ZNF85: variants seen among roughly 807,000 people sequenced by gnomAD.
ZNF85 encodes the protein zinc finger protein 85 (HPF4, HTF1).
A neutral mutation model predicts 53.9 loss-of-function variants in ZNF85; 50 were observed. That is an observed-to-expected ratio of 0.93 (90% CI 0.74 to 1.17). The LOEUF is 1.17. ZNF85 is among the 50% of genes most tolerant of loss of function. ZNF85 has a pLI of 0.00. For missense variants in ZNF85, 747 were observed against 688.5 expected (o/e 1.08, Z -0.95); for synonymous variants, 225 against 226.1 (o/e 1.00, Z 0.04).
rs1011387952 is a variant in ZNF85 at position 20,942,984 on chromosome 19, C to T, written c.230-5760C>T. 3 of 521,130 alleles carry T rather than the reference C, an allele frequency of 5.8e-6. No homozygotes were observed. The East Asian group carries it at 9.7e-5, about 17-fold the overall frequency. The allele number at this position is 521,130 out of a possible 1,614,324, so 32.3% of individuals were successfully genotyped here. ...AGAGACAGAGTCTCACTTTGTTGCC[C>T]AGTCTAGTCTCAAACTTCTGGCTCC... On this transcript the variant is annotated intron_variant, in intron 3 of 3. Coordinates refer to ENST00000328178, the MANE Select transcript of ZNF85 (RefSeq NM_003429.5).
chr19:20,945,184 A>T (rs983276652), intron 3 of ZNF85, among the ~76,000 whole-genome samples: 1 of 152,114 alleles, frequency 6.6e-6, no homozygotes, highest in Non-Finnish European at 1.5e-5. Context: ...TAAATATTCA[A>T]TTTAGTGATC....
At chr19:20,942,688 C>T in intron 3 of ZNF85, 4 of 563,196 alleles carry the variant, frequency 7.1e-6, no homozygotes, top group Non-Finnish European at 1.3e-5. Flanking sequence ...TTGGATTTTC[C>T]AGTTTTGCTT....
At chr19:20,934,296 T>A in intron 2 of ZNF85, 146 bp downstream of exon 2, 1 of 1,150,026 alleles carries the variant, frequency 8.7e-7, no homozygotes, top group Non-Finnish European at 1.2e-6. Context: ...TTAATACATG[T>A]AGAAAAGAAT....
intron 1 of ZNF85, among the ~76,000 whole-genome samples, chr19:20,930,120 C>CAAAAAAAAAAAAAAAAAAAAA (rs57832039): frequency 1.3e-5 from 1 of 79,262 alleles, no homozygotes; most frequent in Non-Finnish European, 2.3e-5. Flanking sequence ...GACTCCGTCC[C>CAAAAAAAAAAAAAAAAAAAAA]AAAAAAAAAA....
chr19:20,937,465 T>A, intron 3 of ZNF85: 1 of 395,926 alleles, frequency 2.5e-6, no homozygotes, highest in Non-Finnish European at 5.0e-6. Context: ...TGCACTAGGG[T>A]CCGCCTTTAG....
At chr19:20,947,488 CTTTTTTTTTTTTTTT>C (rs768097517) in intron 3 of ZNF85, among the ~76,000 whole-genome samples, 1 of 51,634 alleles carries the variant, frequency 1.9e-5, no homozygotes, top group African/African-American at 8.4e-5. Context: ...TGCCAATACA[CTTTTTTTTTTTTTTT>C]TTTTTTTTTT....
rs145879993 is a variant in ZNF85, at chr19:20,938,301, G to T, written c.229+3254G>T. On this transcript the variant is annotated intron_variant, in intron 3 of 3. Coordinates refer to ENST00000328178, the MANE Select transcript of ZNF85 (RefSeq NM_003429.5). ...GATAAGCTGATCTTGAACTTCTGACGTTAACCTTCCCACCTCAACCTTCCA... is the reference window on the plus strand; with the variant it reads ...GATAAGCTGATCTTGAACTTCTGACTTTAACCTTCCCACCTCAACCTTCCA... 2.6e-5 allele frequency among the ~76,000 whole-genome samples: 4 copies of T among 152,156 alleles called. No homozygotes were observed. The South Asian group carries it at 8.3e-4, about 32-fold the overall frequency.
intron 1 of ZNF85, among the ~76,000 whole-genome samples, chr19:20,933,017 C>G (rs1371828678): frequency 2.1e-5 from 3 of 145,696 alleles, no homozygotes; most frequent in Non-Finnish European, 4.5e-5. Flanking sequence ...AACCCCGTCT[C>G]TACTAAAAAT....
In ZNF85 at chr19:20,949,188, C is replaced by T. The variant is rs150048393; in HGVS notation, c.674C>T (p.Thr225Met). Residue 225 changes from threonine to methionine, a missense_variant, in exon 4 of 4, where the codon ACG (threonine) becomes ATG (methionine). Transcript: ENST00000328178. ...CTTACTAAACATAAGAGAATTCATA[C>T]GGGAGAGAAACCTTACAAATGTGAA... ...STLTKHKRIHTGEKPYKCEEC... is the reference protein window; with the variant it reads ...STLTKHKRIHMGEKPYKCEEC... 45 of 1,613,300 alleles carry T rather than the reference C, an allele frequency of 2.8e-5. No individual in the cohort carries two copies. Among genetic ancestry groups the T allele is most frequent in the East Asian group, 2.2e-4 (10 of 44,834 alleles).
At position 20,950,228 on chromosome 19, in the gene ZNF85, G is replaced by A. The variant is rs1455089486; in HGVS notation, c.1714G>A (p.Asp572Asn). 1 of 1,607,926 alleles carries A rather than the reference G, an allele frequency of 6.2e-7. No individual in the cohort carries two copies. Among genetic ancestry groups the A allele is most frequent in the Non-Finnish European group, 8.5e-7 (1 of 1,177,862 alleles). Residue 572 changes from aspartate to asparagine, a missense_variant, in exon 4 of 4, where the codon GAC becomes AAC. Asp to Asn is a conservative substitution (Grantham distance 23, BLOSUM62 1). Transcript: ENST00000328178. ...GEKPYKCEEC[D>N]KAFKWSSVLT... ...AAAACCTTACAAATGTGAAGAATGT[G>A]ACAAAGCTTTTAAATGGTCCTCAGT...
chr19:20,930,932 C>G (rs1461732604), intron 1 of ZNF85, among the ~76,000 whole-genome samples: 1 of 152,162 alleles, frequency 6.6e-6, no homozygotes, highest in Non-Finnish European at 1.5e-5. Flanking sequence ...ACCACCACAC[C>G]CAGCTAATTT....
chr19:20,937,762 T>G (rs915302271), intron 3 of ZNF85, among the ~76,000 whole-genome samples: 7 of 152,126 alleles, frequency 4.6e-5, no homozygotes, highest in African/African-American at 1.7e-4. Flanking sequence ...GGGACCACAG[T>G]AAAGGCCAAG....
At chr19:20,926,420 T>C (rs1488753711) in intron 1 of ZNF85, among the ~76,000 whole-genome samples, 3 of 152,168 alleles carry the variant, frequency 2.0e-5, no homozygotes, top group Non-Finnish European at 2.9e-5. Flanking sequence ...GCTTTTCTAA[T>C]TGAGGTATAA....
At chr19:20,946,230 A>G in intron 3 of ZNF85, 1 of 343,774 alleles carries the variant, frequency 2.9e-6, no homozygotes, top group Non-Finnish European at 5.6e-6. Flanking sequence ...TTCCATTTTT[A>G]TCTTAAAGAG....
chr19:20,946,592 A>ACACACC (rs367859040), intron 3 of ZNF85, among the ~76,000 whole-genome samples: 2 of 151,432 alleles, frequency 1.3e-5, no homozygotes, highest in African/African-American at 4.9e-5. Flanking sequence ...ACACACACAC[A>ACACACC]CCCCACAAAT....
chr19:20,941,900 A>C (rs892901461), intron 3 of ZNF85, among the ~76,000 whole-genome samples: 2 of 152,000 alleles, frequency 1.3e-5, no homozygotes, highest in East Asian at 1.9e-4. Flanking sequence ...TTCCCCCTTC[A>C]TTTTTATATC....
chr19:20,937,465 T>C (rs1398783996), intron 3 of ZNF85: 2 of 395,806 alleles, frequency 5.1e-6, no homozygotes, highest in Admixed American at 6.0e-5. Flanking sequence ...TGCACTAGGG[T>C]CCGCCTTTAG....
At position 20,934,930 on chromosome 19, in the gene ZNF85, T is replaced by C. The variant is rs1473556486; in HGVS notation, c.131-19T>C. On this transcript the variant is annotated intron_variant, in intron 2 of 3. Transcript: ENST00000328178. ...GAGAATATGAGCAAGATTTATATTA[T>C]TTATTTTTAATAAAACAGGTATTAC... 2 of 1,560,916 alleles carry C rather than the reference T, an allele frequency of 1.3e-6. No homozygotes were observed. Among genetic ancestry groups the C allele is most frequent in the Middle Eastern group, 1.8e-4 (1 of 5,674 alleles).
intron 3 of ZNF85, chr19:20,942,755 C>A: frequency 1.5e-6 from 1 of 684,266 alleles, no homozygotes; most frequent in Non-Finnish European, 2.7e-6. Flanking sequence ...TAATTTTTGT[C>A]TGCTTAAATT....
Sources: allele counts gnomAD v4.1 joint callset (sites outside exome capture counted in the v4.1 genomes callset), GRCh38; gene constraint gnomAD v4.1.1; transcripts MANE v1.5; gene names NCBI Gene and HGNC (gene_info 2026-07-23, HGNC 2026-07-21).